The following PCYT1B variants were observed in gnomAD, a reference collection of about 807,000 sequenced individuals.
PCYT1B encodes choline-phosphate cytidylyltransferase B.
In PCYT1B, 10 loss-of-function variants were observed where a neutral mutation model predicts 26.4. The observed-to-expected ratio is 0.38, with a 90% CI of 0.23 to 0.64. The LOEUF (loss-of-function observed/expected upper bound fraction) is 0.64. Ranked by LOEUF, PCYT1B falls within the 30% of genes least tolerant of loss-of-function variation. The pLI, the probability that PCYT1B is intolerant of heterozygous loss-of-function variation, is 0.56. For missense variants in PCYT1B, 161 were observed against 292.7 expected, an observed-to-expected ratio of 0.55 and a Z score of 3.28; for synonymous variants, 131 against 108.4, an observed-to-expected ratio of 1.21 and a Z score of -1.29.
intron 7 of PCYT1B, among the ~76,000 whole-genome samples, chrX:24,569,018 T>C (rs1923730287): frequency 9.0e-6 from 1 of 110,904 alleles, no homozygotes; most frequent in African/African-American, 3.3e-5. Context: ...AAGAATCACT[T>C]GAACCCAGGA....
rs184397456 is a variant in PCYT1B, at chrX:24,587,161, G to A, written c.565+80C>T. ...CTCCCTGTTTGTATACACTGCAGATGTCCCAGGGCAGACAGATGTCTCTTA... is the reference window on the plus strand; with the variant it reads ...CTCCCTGTTTGTATACACTGCAGATATCCCAGGGCAGACAGATGTCTCTTA... On this transcript the variant is annotated intron_variant, in intron 5 of 7. Transcript: ENST00000379144. 3.3e-4 allele frequency: 227 copies of A among 688,973 alleles called. No homozygotes were observed. The African/African-American group carries it at 3.9e-3, about 12-fold the overall frequency. 56.8% of individuals were successfully genotyped at this position (688,973 alleles called of 1,213,427 possible). A position where few individuals can be genotyped will look rare whatever the true frequency, so the allele number is the denominator to read the frequency against.
At chrX:24,624,150 T>C (rs769697977) in intron 1 of PCYT1B, among the ~76,000 whole-genome samples, 2 of 109,575 alleles carry the variant, frequency 1.8e-5, no homozygotes, top group South Asian at 8.0e-4. Flanking sequence ...TTTGTATTTT[T>C]AGTAGAGACA....
chrX:24,562,734 T>C (rs1296733055), intron 7 of PCYT1B, among the ~76,000 whole-genome samples: 2 of 106,081 alleles, frequency 1.9e-5, no homozygotes, highest in African/African-American at 6.8e-5. Context: ...TTTTCTCTTT[T>C]TTTTTTTTTT....
intron 1 of PCYT1B, among the ~76,000 whole-genome samples, chrX:24,665,668 A>C (rs1358740694): frequency 9.0e-6 from 1 of 111,597 alleles, no homozygotes; most frequent in Non-Finnish European, 1.9e-5. Flanking sequence ...CTTCCTGGTG[A>C]CTATAACTCT....
chrX:24,656,232 G>GT lies in PCYT1B; in HGVS notation c.63+16337_63+16338insA, dbSNP rs967988832. Among the ~76,000 whole-genome samples, 6 of 100,570 alleles carry GT rather than the reference G, an allele frequency of 6.0e-5. No homozygotes were observed. The East Asian group carries it at 1.6e-3, about 26-fold the overall frequency. 87.3% of individuals were successfully genotyped at this position (100,570 alleles called of 115,157 possible). On this transcript the variant is annotated intron_variant, in intron 1 of 7. Transcript: ENST00000379145. Reference sequence around the variant, plus strand: ...AATCTATTATTGCAGGGGGTCGCGGGGGGGGGTGGTAATCAAGAAGACAGA... The same window carrying GT: ...AATCTATTATTGCAGGGGGTCGCGGGTGGGGGGTGGTAATCAAGAAGACAGA...
At chrX:24,573,176 A>T (rs866339728) in intron 7 of PCYT1B, among the ~76,000 whole-genome samples, 4 of 106,042 alleles carry the variant, frequency 3.8e-5, no homozygotes, top group East Asian at 5.9e-4. Flanking sequence ...ATATATATAT[A>T]TTTTTGAGAC....
chrX:24,631,793 C>T (rs767583063), intron 1 of PCYT1B, among the ~76,000 whole-genome samples: 11 of 112,063 alleles, frequency 9.8e-5, no homozygotes, highest in Non-Finnish European at 2.1e-4. Context: ...TGGTGAAACC[C>T]TGTCTCTACT....
upstream of PCYT1B, among the ~76,000 whole-genome samples, chrX:24,651,470 AAAATATATATATATATATAT>A (rs1355289917): frequency 1.3e-3 from 48 of 37,107 alleles, 1 homozygote; most frequent in African/African-American, 7.2e-3. Flanking sequence ...AAAAAAAAAA[AAAATATATATATATATATAT>A]ATATATATAT....
At chrX:24,629,559 C>CAAAAAAAAAAAAAAAAAAAAAA (rs1165553186) in intron 1 of PCYT1B, among the ~76,000 whole-genome samples, 1 of 16,100 alleles carries the variant, frequency 6.2e-5, no homozygotes, top group Admixed American at 1.5e-3. Flanking sequence ...GACCCTGTCT[C>CAAAAAAAAAAAAAAAAAAAAAA]AAAAAAAAAA....
At chrX:24,628,492 T>C (rs1259226847) in intron 1 of PCYT1B, among the ~76,000 whole-genome samples, 2 of 111,695 alleles carry the variant, frequency 1.8e-5, no homozygotes, top group African/African-American at 6.5e-5. Context: ...CATCATAATA[T>C]ATATTATAGA....
chrX:24,669,872 A>C (rs1927202839), intron 1 of PCYT1B, among the ~76,000 whole-genome samples: 1 of 108,259 alleles, frequency 9.2e-6, no homozygotes, highest in African/African-American at 3.4e-5. Context: ...CAAAACCCCC[A>C]TCTCTACAAA....
intron 1 of PCYT1B, among the ~76,000 whole-genome samples, chrX:24,645,851 T>C (rs1227167905): frequency 1.8e-5 from 2 of 112,128 alleles, no homozygotes; most frequent in South Asian, 3.7e-4. Flanking sequence ...AGGAAGTTGT[T>C]CTAAGCCTCC....
At chrX:24,642,305 G>A (rs1251181896) in intron 1 of PCYT1B, among the ~76,000 whole-genome samples, 1 of 112,159 alleles carries the variant, frequency 8.9e-6, no homozygotes, top group Non-Finnish European at 1.9e-5. Flanking sequence ...GTAGGGGTTG[G>A]TAAGGATTGG....
chrX:24,653,621 C>T (rs1926829901), intron 1 of PCYT1B, among the ~76,000 whole-genome samples: 1 of 111,674 alleles, frequency 9.0e-6, no homozygotes, highest in Admixed American at 9.6e-5. Flanking sequence ...GTTTCACTTA[C>T]CCATGCTCCT....
At chrX:24,617,383 G>GT (rs371528763) in intron 2 of PCYT1B, among the ~76,000 whole-genome samples, 1,677 of 96,142 alleles carry the variant, frequency 0.017, 19 homozygotes, top group African/African-American at 0.039. Flanking sequence ...TTTTTTTTTT[G>GT]TTTGTTTTCT....
intron 7 of PCYT1B, among the ~76,000 whole-genome samples, chrX:24,565,542 CT>C (rs1013497837): frequency 1.8e-4 from 20 of 109,972 alleles, no homozygotes; most frequent in African/African-American, 5.6e-4. Context: ...AGTACTAAGT[CT>C]AAGTTGCTTA....
intron 1 of PCYT1B, among the ~76,000 whole-genome samples, chrX:24,661,356 A>G (rs1288605070): frequency 1.8e-5 from 2 of 112,265 alleles, no homozygotes; most frequent in African/African-American, 6.5e-5. Flanking sequence ...TAGAATGAGT[A>G]ATGAAGAAGG....
intron 1 of PCYT1B, among the ~76,000 whole-genome samples, chrX:24,623,364 C>CATATATAT (rs57642734): frequency 0.052 from 4,066 of 78,901 alleles, 213 homozygotes; most frequent in Non-Finnish European, 0.062. Flanking sequence ...ATGAGATTTA[C>CATATATAT]ATATATATAT....
At chrX:24,596,591 CAA>C (rs1160915316) in intron 3 of PCYT1B, among the ~76,000 whole-genome samples, 13 of 53,087 alleles carry the variant, frequency 2.4e-4, no homozygotes, top group Admixed American at 7.0e-4. Flanking sequence ...GACTCCATCT[CAA>C]AAAAAAAAAA....
Sources: gnomAD v4.1 joint callset for allele counts (sites outside exome capture counted in the v4.1 genomes callset) on GRCh38, gnomAD v4.1.1 for gene constraint, MANE v1.5 for transcripts, NCBI Gene and HGNC (gene_info 2026-07-23, HGNC 2026-07-21) for gene names.